MPDZ: variants seen among roughly 807,000 people sequenced by gnomAD.
MPDZ encodes the protein multiple PDZ domain crumbs cell polarity complex component, also known as multiple PDZ domain protein.
A neutral mutation model predicts 239.1 loss-of-function variants in MPDZ; 234 were observed. That is an observed-to-expected ratio of 0.98 (90% CI 0.88 to 1.09). The LOEUF (loss-of-function observed/expected upper bound fraction) is 1.09. Among genes scored for constraint, MPDZ ranks in the 50% least tolerant of loss-of-function variants. MPDZ has a pLI of 0.00. For missense variants in MPDZ, 3,175 were observed against 2,510.0 expected (o/e 1.26, Z -5.66); for synonymous variants, 1,048 against 881.3 (o/e 1.19, Z -3.35).
At position 13,158,120 on chromosome 9, in the gene MPDZ, GA is replaced by G; in HGVS notation, c.3360-11del. ...TAATTCTGGAATGTCTCTGGTTAAA[GA>G]ATTACACAATGAGTACCCCAAAATC... is the stretch of plus-strand genomic sequence containing the variant. On this transcript the variant is annotated splice_polypyrimidine_tract_variant and intron_variant, in intron 23 of 46. Coordinates refer to ENST00000319217, the MANE Select transcript of MPDZ (RefSeq NM_001378778.1). 6.2e-7 allele frequency: 1 copy of G among 1,608,582 alleles called. No individual in the cohort carries two copies. Among genetic ancestry groups the G allele is most frequent in the Non-Finnish European group, 8.5e-7 (1 of 1,175,862 alleles).
chr9:13,147,510 G>T, intron 26 of MPDZ, 38 bp downstream of exon 26: 1 of 1,481,334 alleles, frequency 6.8e-7, no homozygotes, highest in Non-Finnish European at 9.4e-7. Flanking sequence ...GTTGAACACT[G>T]TTTGGATATG....
At chr9:13,260,475 G>A (rs1045427654) in intron 1 of MPDZ, among the ~76,000 whole-genome samples, 1 of 152,164 alleles carries the variant, frequency 6.6e-6, no homozygotes, top group African/African-American at 2.4e-5. Flanking sequence ...AGAAATGTCT[G>A]CCCTAATAGA....
rs190518126 is a variant in MPDZ at position 13,136,374 on chromosome 9, C to T, written c.4293-192G>A. ...TGAGACAGAGTCTCTTTCTGTTGCC[C>T]GAGCTGGAGTGTAGTGGCACAGTCT... On this transcript the variant is annotated intron_variant, in intron 30 of 46. Coordinates refer to ENST00000319217, the MANE Select transcript of MPDZ (RefSeq NM_001378778.1). Among the ~76,000 whole-genome samples the T allele has an allele frequency of 4.1e-3, 447 of 110,190 alleles. 2 individuals are homozygous for T. The highest frequency in any genetic ancestry group is 0.018 in the African/African-American group (410 of 22,210). 72.3% of individuals were successfully genotyped at this position (110,190 alleles called of 152,430 possible). A position where few individuals can be genotyped will look rare whatever the true frequency, so the allele number is the denominator to read the frequency against.
At chr9:13,195,335 A>T (rs1207634442) in intron 13 of MPDZ, among the ~76,000 whole-genome samples, 5 of 152,114 alleles carry the variant, frequency 3.3e-5, no homozygotes, top group Non-Finnish European at 7.4e-5. Flanking sequence ...CATGAGGACT[A>T]AATGAAATAC....
intron 31 of MPDZ, chr9:13,134,692 T>A (rs538815716): frequency 6.6e-6 from 1 of 152,422 alleles, no homozygotes; most frequent in East Asian, 1.9e-4. Context: ...TCTGTCACCC[T>A]CTAGCCACTG....
intron 22 of MPDZ, among the ~76,000 whole-genome samples, chr9:13,166,955 T>C (rs1362282296): frequency 1.3e-5 from 2 of 152,292 alleles, no homozygotes; most frequent in Non-Finnish European, 2.9e-5. Flanking sequence ...AACTGAGTGG[T>C]AGGGCTAGTA....
intron 12 of MPDZ, among the ~76,000 whole-genome samples, chr9:13,199,824 T>C (rs965774192): frequency 6.6e-6 from 1 of 152,118 alleles, no homozygotes; most frequent in African/African-American, 2.4e-5. Flanking sequence ...TTGATTATGA[T>C]TAATGATCTT....
At chr9:13,185,437 A>G (rs1382894387) in intron 18 of MPDZ, among the ~76,000 whole-genome samples, 1 of 152,120 alleles carries the variant, frequency 6.6e-6, no homozygotes, top group Non-Finnish European at 1.5e-5. Flanking sequence ...GTCTAATGAA[A>G]CTCAAACAAG....
At chr9:13,248,602 T>C (rs1208463822) in intron 2 of MPDZ, among the ~76,000 whole-genome samples, 2 of 152,058 alleles carry the variant, frequency 1.3e-5, no homozygotes, top group African/African-American at 2.4e-5. Context: ...ACTGTTCAGA[T>C]GTATTACTTA....
chr9:13,106,879 C>G lies in MPDZ; in HGVS notation c.*86G>C. 1 of 1,454,996 alleles carries G rather than the reference C, an allele frequency of 6.9e-7. No homozygotes were observed. Among genetic ancestry groups the G allele is most frequent in the Non-Finnish European group, 9.4e-7 (1 of 1,059,242 alleles). 90.1% of individuals were successfully genotyped at this position (1,454,996 alleles called of 1,614,324 possible). A position where few individuals can be genotyped will look rare whatever the true frequency, so the allele number is the denominator to read the frequency against. ...ACAGTTTTGAAGACCCGGCTGAACA[C>G]AGCATAAAAATTGTCAGGACCAGTG... On this transcript the variant is annotated 3_prime_UTR_variant, in exon 47 of 47. Coordinates refer to ENST00000319217, the MANE Select transcript of MPDZ (RefSeq NM_001378778.1).
chr9:13,262,067 A>T (rs1323550468), intron 1 of MPDZ, among the ~76,000 whole-genome samples: 6 of 148,132 alleles, frequency 4.1e-5, no homozygotes, highest in African/African-American at 1.5e-4. Context: ...ATTAAAAATT[A>T]AAAAAAAAAG....
At chr9:13,146,244 C>T (rs892648227) in intron 26 of MPDZ, among the ~76,000 whole-genome samples, 4 of 151,964 alleles carry the variant, frequency 2.6e-5, no homozygotes, top group Non-Finnish European at 5.9e-5. Flanking sequence ...ACCACAGTTA[C>T]ACCTGTCTTC....
intron 24 of MPDZ, among the ~76,000 whole-genome samples, 197 bp downstream of exon 24, chr9:13,157,821 A>C (rs1206495271): frequency 1.3e-5 from 2 of 152,268 alleles, no homozygotes; most frequent in African/African-American, 2.4e-5. Context: ...AGATATCTCC[A>C]TATATGTTAG....
intron 10 of MPDZ, 75 bp from the exon 11 acceptor site, chr9:13,206,174 G>T: frequency 7.5e-7 from 1 of 1,336,096 alleles, no homozygotes; most frequent in Non-Finnish European, 1.0e-6. Flanking sequence ...CACAAAATGT[G>T]TATGTATAGT....
intron 19 of MPDZ, among the ~76,000 whole-genome samples, chr9:13,177,208 G>A (rs1436945881): frequency 6.6e-6 from 1 of 152,098 alleles, no homozygotes; most frequent in African/African-American, 2.4e-5. Context: ...ATAAACTGCT[G>A]TTGAATAAAC....
chr9:13,199,870 T>G (rs1221405887), intron 12 of MPDZ, among the ~76,000 whole-genome samples: 1 of 152,094 alleles, frequency 6.6e-6, no homozygotes, highest in Non-Finnish European at 1.5e-5. Flanking sequence ...GCTAGTATTT[T>G]GTTGAGGATT....
chr9:13,193,179 G>A lies in MPDZ; in HGVS notation c.1791C>T (p.Asp597=), dbSNP rs759799394. 36 of 1,576,218 alleles carry A rather than the reference G, an allele frequency of 2.3e-5. No individual in the cohort carries two copies. The highest frequency in any genetic ancestry group is 1.7e-4 in the Middle Eastern group (1 of 5,882). ...VGHSGKLFSG[D]ELLEVNGITL... is the part of the protein sequence containing the mutation. ...CATAGCTCCTTACTTCCAATAGCTC[G>A]TCTCCACTGAAGAGCTTCCCGCTGT... The change falls in exon 14 of 47, where the codon GAC becomes GAT. Residue 597 remains aspartate, a synonymous_variant. Coordinates refer to ENST00000319217, the MANE Select transcript of MPDZ (RefSeq NM_001378778.1).
At chr9:13,143,652 G>C in intron 26 of MPDZ, 88 bp from the exon 27 acceptor site, 1 of 992,410 alleles carries the variant, frequency 1.0e-6, no homozygotes, top group Non-Finnish European at 1.6e-6. Context: ...CCGATTTAAA[G>C]AACTGCCTGT....
chr9:13,214,536 G>T (rs760717519), intron 10 of MPDZ, among the ~76,000 whole-genome samples: 2 of 152,068 alleles, frequency 1.3e-5, no homozygotes, highest in Middle Eastern at 3.4e-3. Flanking sequence ...AAAAGCTACT[G>T]TACTGTACAT....
Sources: allele counts gnomAD v4.1 joint callset (sites outside exome capture counted in the v4.1 genomes callset), GRCh38; gene constraint gnomAD v4.1.1; transcripts MANE v1.5; gene names NCBI Gene and HGNC (gene_info 2026-07-23, HGNC 2026-07-21).